Variants in PRR5L observed in about 807,000 individuals in gnomAD.
The protein encoded by PRR5L is proline-rich protein 5-like.
PRR5L carries 21 observed loss-of-function variants against 36.4 expected under a neutral mutation model. The observed-to-expected ratio is 0.58, with a 90% confidence interval of 0.41 to 0.83. PRR5L has a LOEUF of 0.83. PRR5L is among the 40% of genes least tolerant of loss of function. The pLI is 0.00. For missense variants in PRR5L, 381 were observed against 473.3 expected, an observed-to-expected ratio of 0.80 and a Z score of 1.81; for synonymous variants, 188 against 197.0, an observed-to-expected ratio of 0.95 and a Z score of 0.38.
At chr11:36,359,811 G>A (rs1565415088) in intron 1 of PRR5L, among the ~76,000 whole-genome samples, 1 of 152,156 alleles carries the variant, frequency 6.6e-6, no homozygotes, top group Non-Finnish European at 1.5e-5. Context: ...TTGGGAGACC[G>A]AGGTGGGTGG....
intron 1 of PRR5L, among the ~76,000 whole-genome samples, chr11:36,312,724 T>C (rs1471905745): frequency 3.9e-5 from 6 of 152,260 alleles, no homozygotes; most frequent in African/African-American, 1.4e-4. Flanking sequence ...CTCACTATTA[T>C]GAAGTATAAC....
At chr11:36,442,865 C>G (rs188628461) in intron 6 of PRR5L, among the ~76,000 whole-genome samples, 2 of 152,266 alleles carry the variant, frequency 1.3e-5, no homozygotes, top group East Asian at 3.9e-4. Context: ...TTTAACTAGT[C>G]TCAAAGAAGG....
intron 2 of PRR5L, among the ~76,000 whole-genome samples, chr11:36,402,741 G>A (rs1397971342): frequency 1.3e-5 from 2 of 152,334 alleles, no homozygotes; most frequent in East Asian, 3.9e-4. Flanking sequence ...TGTGGAGTAA[G>A]CCCTGATATG....
chr11:36,445,938 G>A (rs1046164791), intron 6 of PRR5L, among the ~76,000 whole-genome samples: 11 of 152,180 alleles, frequency 7.2e-5, no homozygotes, highest in Admixed American at 6.5e-5. Context: ...TATTATAGAT[G>A]AAGTTGAGAA....
rs1483101733 is a variant in PRR5L at position 36,377,935 on chromosome 11, GATGACCCATGCT to G, written c.-125-23060_-125-23049del. ...TGCCCAGACGACACGTGCACATTCA[GATGACCCATGCT>G]AAGGACCAAAGGGATGCCACCGGCC... On this transcript the variant is annotated intron_variant, in intron 1 of 8. Coordinates refer to ENST00000530639, the MANE Select transcript of PRR5L (RefSeq NM_001160167.2). This position sits in a 1 kb window ranked among gnomAD's most constrained non-coding sequence, Gnocchi z 5.1. Among the ~76,000 whole-genome samples the G allele has an allele frequency of 6.6e-6, 1 of 152,150 alleles. No individual in the cohort carries two copies. Among genetic ancestry groups the G allele is most frequent in the Non-Finnish European group, 1.5e-5 (1 of 68,034 alleles).
intron 1 of PRR5L, among the ~76,000 whole-genome samples, chr11:36,397,133 T>G (rs1301789841): frequency 6.7e-6 from 1 of 150,304 alleles, no homozygotes; most frequent in Non-Finnish European, 1.5e-5. Flanking sequence ...AGTGGCACGA[T>G]CTTGGCTCAC....
At chr11:36,401,506 C>T (rs561981511) in intron 2 of PRR5L, among the ~76,000 whole-genome samples, 2 of 152,268 alleles carry the variant, frequency 1.3e-5, no homozygotes, top group African/African-American at 2.4e-5. Flanking sequence ...TTCACTGCAG[C>T]CTCAAACTTC....
At position 36,401,016 on chromosome 11, in the gene PRR5L, T is replaced by G; in HGVS notation, c.-106T>G. The G allele has an allele frequency of 6.7e-7, 1 of 1,493,212 alleles. No individual in the cohort carries two copies. The highest frequency in any genetic ancestry group is 2.4e-5 in the Admixed American group (1 of 41,362). The allele number at this position is 1,493,212 out of a possible 1,614,324, so 92.5% of individuals were successfully genotyped here. ...TTTCAGGTGTTGGCTACGTTTGTGG[T>G]TTTAAGAAAGCCTGAGGGCCTGAAG... is the stretch of plus-strand genomic sequence containing the variant. On this transcript the variant is annotated 5_prime_UTR_variant, in exon 2 of 9. Transcript: ENST00000530639.
intron 1 of PRR5L, among the ~76,000 whole-genome samples, chr11:36,397,222 C>G (rs12802487): frequency 1.3e-5 from 2 of 151,166 alleles, no homozygotes; most frequent in African/African-American, 4.9e-5. Context: ...CACGCCAACA[C>G]GCCCAGCTAA....
At chr11:36,391,107 A>G (rs1256197888) in intron 1 of PRR5L, among the ~76,000 whole-genome samples, 1 of 152,158 alleles carries the variant, frequency 6.6e-6, no homozygotes, top group Non-Finnish European at 1.5e-5. Flanking sequence ...CCAGGCAGGC[A>G]CATCAGATGG....
At chr11:36,454,418 G>T (rs1248035361) in intron 8 of PRR5L, among the ~76,000 whole-genome samples, 2 of 152,202 alleles carry the variant, frequency 1.3e-5, no homozygotes, top group East Asian at 3.9e-4. Context: ...TATTTTGCCT[G>T]TGGGAGGAGA....
chr11:36,419,342 A>G, intron 4 of PRR5L, 39 bp downstream of exon 4: 2 of 1,556,702 alleles, frequency 1.3e-6, no homozygotes, highest in Non-Finnish European at 1.8e-6. Flanking sequence ...ATTATCATGC[A>G]TGTGGGGGCA....
chr11:36,302,237 C>CCTGAGG (rs1856384324), intron 1 of PRR5L, among the ~76,000 whole-genome samples: 1 of 152,080 alleles, frequency 6.6e-6, no homozygotes, highest in South Asian at 2.1e-4. Flanking sequence ...GCATCTAAGA[C>CCTGAGG]CTGAGGAAGA....
chr11:36,323,129 C>T (rs1213626241), intron 1 of PRR5L, among the ~76,000 whole-genome samples: 1 of 152,120 alleles, frequency 6.6e-6, no homozygotes, highest in Non-Finnish European at 1.5e-5. Flanking sequence ...AGCCCCAGGA[C>T]ACTGATGCCC....
At chr11:36,328,679 G>T (rs913572147) in intron 1 of PRR5L, among the ~76,000 whole-genome samples, 2 of 152,044 alleles carry the variant, frequency 1.3e-5, no homozygotes, top group African/African-American at 4.8e-5. Context: ...TGTTTTTCCC[G>T]ATGCCAACTT....
chr11:36,308,378 T>C lies in PRR5L; in HGVS notation c.-126+11940T>C, dbSNP rs143793923. Among the ~76,000 whole-genome samples, 568 of 152,288 alleles carry C rather than the reference T, an allele frequency of 3.7e-3. 3 individuals are homozygous for C. Among genetic ancestry groups the C allele is most frequent in the African/African-American group, 0.013 (533 of 41,556 alleles). ...AAAGAAAGGGGATTTGAAAGTTTGG[T>C]TTGAGGCAGGTTTTTAGAAGTGAAG... On this transcript the variant is annotated intron_variant, in intron 1 of 8. Coordinates refer to ENST00000530639, the MANE Select transcript of PRR5L (RefSeq NM_001160167.2).
intron 1 of PRR5L, among the ~76,000 whole-genome samples, chr11:36,357,982 A>G (rs7129794): frequency 0.12 from 18,917 of 152,270 alleles, 1,206 homozygotes; most frequent in African/African-American, 0.13. Flanking sequence ...TAACCATTTC[A>G]AGTGCCATTA....
intron 1 of PRR5L, among the ~76,000 whole-genome samples, chr11:36,380,151 A>T (rs2133525777): frequency 6.6e-6 from 1 of 152,316 alleles, no homozygotes; most frequent in East Asian, 1.9e-4. Context: ...GGACTCTAAA[A>T]TGAGGAGACA....
chr11:36,346,808 A>G (rs1171811646), intron 1 of PRR5L, among the ~76,000 whole-genome samples: 4 of 152,362 alleles, frequency 2.6e-5, no homozygotes, highest in African/African-American at 9.6e-5. Context: ...AGTATAGTAC[A>G]TAGGATGGGA....
Sources: allele counts gnomAD v4.1 joint callset (sites outside exome capture counted in the v4.1 genomes callset), GRCh38; gene constraint gnomAD v4.1.1; non-coding constraint Gnocchi (gnomAD v3.1); transcripts MANE v1.5; gene names NCBI Gene and HGNC (gene_info 2026-07-23, HGNC 2026-07-21).